CAMTA1: variants seen among roughly 807,000 people sequenced by gnomAD.
The protein encoded by CAMTA1 is calmodulin-binding transcription activator 1.
Under a neutral mutation model 170.9 loss-of-function variants are expected in CAMTA1, and 27 were observed. The ratio of observed to expected loss-of-function variants is 0.16; its 90% confidence interval spans 0.12 to 0.22. The LOEUF is 0.22. Ranked by LOEUF, CAMTA1 falls within the 10% of genes least tolerant of loss-of-function variation. The pLI is 1.00. For missense variants in CAMTA1, 1,619 were observed against 2,217.2 expected, an observed-to-expected ratio of 0.73 and a Z score of 5.42; for synonymous variants, 833 against 891.5, an observed-to-expected ratio of 0.93 and a Z score of 1.17.
intron 4 of CAMTA1, among the ~76,000 whole-genome samples, chr1:7,218,277 G>A (rs939823906): frequency 1.4e-4 from 21 of 152,186 alleles, no homozygotes; most frequent in Admixed American, 1.3e-4. Flanking sequence ...TTATGACACA[G>A]TTCCTCCCCC....
At chr1:7,256,895 A>G (rs9988550) in intron 5 of CAMTA1, among the ~76,000 whole-genome samples, 90,026 of 150,928 alleles carry the variant, frequency 0.6, 27,480 homozygotes, top group African/African-American at 0.66. Flanking sequence ...GGTGTCTGGC[A>G]AGGGCCTGTT....
intron 3 of CAMTA1, among the ~76,000 whole-genome samples, chr1:6,963,926 C>A (rs1029044567): frequency 2.6e-5 from 4 of 152,208 alleles, no homozygotes; most frequent in African/African-American, 9.7e-5. Flanking sequence ...AAGGCTGGGG[C>A]GCCTGTCGCA....
intron 4 of CAMTA1, among the ~76,000 whole-genome samples, chr1:7,176,167 TG>T (rs1392110352): frequency 6.6e-6 from 1 of 152,214 alleles, no homozygotes; most frequent in African/African-American, 2.4e-5. Context: ...TTTTGCAATG[TG>T]ATGAGCTGCC....
At chr1:7,675,790 G>A (rs1341014316) in intron 10 of CAMTA1, among the ~76,000 whole-genome samples, 1 of 152,200 alleles carries the variant, frequency 6.6e-6, no homozygotes, top group Non-Finnish European at 1.5e-5. Context: ...CATGAGCGGG[G>A]AAGGGAAGAG....
In CAMTA1 at chr1:7,748,192, A is replaced by G. The variant is rs961431104; in HGVS notation, c.4689+411A>G. On this transcript the variant is annotated intron_variant, in intron 19 of 22. Coordinates refer to ENST00000303635, the MANE Select transcript of CAMTA1 (RefSeq NM_015215.4). The surrounding 1 kb of genome is among the most constrained non-coding windows in gnomAD (Gnocchi z 4.7). ...CTCCCAAAGTGCTGGGATTACAAGC[A>G]TGAGCCGCAGCGCCCGGCCAGAGAC... Among the ~76,000 whole-genome samples, 5 of 152,102 alleles carry G rather than the reference A, an allele frequency of 3.3e-5. No individual in the cohort carries two copies. The highest frequency in any genetic ancestry group is 6.5e-5 in the Admixed American group (1 of 15,270).
chr1:7,317,347 CTG>C (rs1277928507), intron 5 of CAMTA1, among the ~76,000 whole-genome samples: 2 of 152,208 alleles, frequency 1.3e-5, no homozygotes, highest in African/African-American at 4.8e-5. Flanking sequence ...GATGACAACT[CTG>C]TGATCCACCT....
At chr1:7,485,366 G>A (rs1345923247) in intron 6 of CAMTA1, among the ~76,000 whole-genome samples, 6 of 152,160 alleles carry the variant, frequency 3.9e-5, no homozygotes, top group African/African-American at 1.2e-4. Context: ...ACAGCCACTC[G>A]TGCTCCCTGC....
chr1:7,355,209 A>G (rs1310480168), intron 5 of CAMTA1, among the ~76,000 whole-genome samples: 1 of 147,544 alleles, frequency 6.8e-6, no homozygotes, highest in South Asian at 2.1e-4. Context: ...CCGTCTCAAA[A>G]AAAAAAAAAA....
At chr1:7,550,923 T>A (rs1328930986) in intron 6 of CAMTA1, among the ~76,000 whole-genome samples, 1 of 151,828 alleles carries the variant, frequency 6.6e-6, no homozygotes, top group Non-Finnish European at 1.5e-5. Context: ...CAGCTCTCTC[T>A]GCCCCCTCCC....
intron 3 of CAMTA1, among the ~76,000 whole-genome samples, chr1:6,835,340 A>G (rs1280905065): frequency 6.6e-6 from 1 of 152,218 alleles, no homozygotes; most frequent in Non-Finnish European, 1.5e-5. Context: ...GAGTTGCCTC[A>G]GGATAAAAAT....
At chr1:7,212,264 C>G (rs1658911769) in intron 4 of CAMTA1, among the ~76,000 whole-genome samples, 1 of 152,058 alleles carries the variant, frequency 6.6e-6, no homozygotes, top group African/African-American at 2.4e-5. Context: ...TTTATGGTCT[C>G]TCCCCATCCT....
chr1:7,736,872 T>C lies in CAMTA1; in HGVS notation c.3264-59T>C. On this transcript the variant is annotated intron_variant, in intron 13 of 22. Coordinates refer to ENST00000303635, the MANE Select transcript of CAMTA1 (RefSeq NM_015215.4). This position sits in a 1 kb window ranked among gnomAD's most constrained non-coding sequence, Gnocchi z 4.5. ...ATCTTGGTGGGGTTTTATAATATTC[T>C]GGTGTTTCCTTTTAACGGTGGTGAA... 7.6e-7 allele frequency: 1 copy of C among 1,316,324 alleles called. No individual in the cohort carries two copies. The highest frequency in any genetic ancestry group is 1.1e-6 in the Non-Finnish European group (1 of 922,516). 81.5% of individuals were successfully genotyped at this position (1,316,324 alleles called of 1,614,324 possible). A position where few individuals can be genotyped will look rare whatever the true frequency, so the allele number is the denominator to read the frequency against.
At chr1:7,080,254 A>G (rs1443842620) in intron 3 of CAMTA1, among the ~76,000 whole-genome samples, 2 of 152,088 alleles carry the variant, frequency 1.3e-5, no homozygotes, top group East Asian at 3.8e-4. Flanking sequence ...AACTTTTTCT[A>G]TTCTAAAAGA....
At chr1:7,509,844 A>G (rs955985139) in intron 6 of CAMTA1, among the ~76,000 whole-genome samples, 1 of 151,984 alleles carries the variant, frequency 6.6e-6, no homozygotes, top group Admixed American at 6.6e-5. Context: ...CTTGCCAGCC[A>G]GGCGAGCTAT....
At chr1:7,221,461 A>G (rs766157) in intron 4 of CAMTA1, among the ~76,000 whole-genome samples, 150,830 of 152,280 alleles carry the variant, frequency 0.99, 74,699 homozygotes, top group East Asian at 1. Flanking sequence ...TTAGCCTTTG[A>G]AGGCCTCCAG....
chr1:6,877,049 A>G (rs1422640565), intron 3 of CAMTA1, among the ~76,000 whole-genome samples: 2 of 152,208 alleles, frequency 1.3e-5, no homozygotes, highest in Non-Finnish European at 2.9e-5. Flanking sequence ...CCTCCAGGCC[A>G]GGACTTGCCT....
intron 5 of CAMTA1, among the ~76,000 whole-genome samples, chr1:7,439,146 C>T (rs1557714531): frequency 6.6e-6 from 1 of 152,150 alleles, no homozygotes; most frequent in South Asian, 2.1e-4. Context: ...CCCTGCTGCT[C>T]CCAGGTGGGG....
In CAMTA1 at chr1:6,970,340, A is replaced by G. The variant is rs1389430591; in HGVS notation, c.235-120964A>G. Among the ~76,000 whole-genome samples, 1 of 152,086 alleles carries G rather than the reference A, an allele frequency of 6.6e-6. No individual in the cohort carries two copies. Among genetic ancestry groups the G allele is most frequent in the Non-Finnish European group, 1.5e-5 (1 of 68,016 alleles). On this transcript the variant is annotated intron_variant, in intron 3 of 22. Transcript: ENST00000303635. This position sits in a 1 kb window ranked among gnomAD's most constrained non-coding sequence, Gnocchi z 4.4. ...CTGCTTTGCTTGCACGACGTGCCAT[A>G]AGCATCCTCCATATGTATTGGAGCC...
chr1:7,608,541 C>G (rs2095502365), intron 6 of CAMTA1, among the ~76,000 whole-genome samples: 1 of 152,106 alleles, frequency 6.6e-6, no homozygotes, highest in Non-Finnish European at 1.5e-5. Context: ...TTTCACTGTC[C>G]CCAGCCCAGG....
Sources: gnomAD v4.1 joint callset for allele counts (sites outside exome capture counted in the v4.1 genomes callset) on GRCh38, gnomAD v4.1.1 for gene constraint, Gnocchi (gnomAD v3.1) non-coding constraint, MANE v1.5 for transcripts, NCBI Gene and HGNC (gene_info 2026-07-23, HGNC 2026-07-21) for gene names.